GTF3C2: variants seen among roughly 807,000 people sequenced by gnomAD.
GTF3C2 encodes general transcription factor IIIC subunit 2.
A neutral mutation model predicts 117.4 loss-of-function variants in GTF3C2; 17 were observed. That is an observed-to-expected ratio of 0.14 (90% confidence interval 0.10 to 0.22). The LOEUF is 0.22. Among genes scored for constraint, GTF3C2 ranks in the 10% least tolerant of loss-of-function variants. The probability of loss-of-function intolerance (pLI) is 1.00; values close to 1 mark genes in which losing one functional copy is unlikely to be tolerated. For synonymous variants in GTF3C2, 437 were observed against 427.0 expected (o/e 1.02, Z -0.29); for missense variants, 888 against 1,143.6 (o/e 0.78, Z 3.22).
At chr2:27,353,320 T>C (rs1335249857) in intron 1 of GTF3C2, among the ~76,000 whole-genome samples, 1 of 150,050 alleles carries the variant, frequency 6.7e-6, no homozygotes, top group Admixed American at 6.7e-5. Flanking sequence ...TTGCAGGAGG[T>C]TGCAGTGAGC....
intron 10 of GTF3C2, 71 bp downstream of exon 10, chr2:27,335,527 G>A (rs1680433665): frequency 1.1e-6 from 1 of 876,242 alleles, no homozygotes; most frequent in Non-Finnish European, 1.9e-6. Context: ...GAGTTTCCAG[G>A]GAGACAGACA....
intron 12 of GTF3C2, among the ~76,000 whole-genome samples, chr2:27,330,524 A>T (rs1680241589): frequency 1.3e-5 from 2 of 152,092 alleles, no homozygotes; most frequent in Non-Finnish European, 2.9e-5. Context: ...GAGAACAGGC[A>T]AAAAGTCAAA....
chr2:27,355,967 A>T, intron 1 of GTF3C2: 4 of 578,124 alleles, frequency 6.9e-6, no homozygotes, highest in South Asian at 6.1e-5. Context: ...TAAGTAAGTC[A>T]ATTTAAAGAG....
At chr2:27,341,979 G>A in exon 4 of GTF3C2, 1 of 1,614,062 alleles carries the variant, frequency 6.2e-7, no homozygotes, top group Non-Finnish European at 8.5e-7. Flanking sequence ...GGTGCTTCGG[G>A]GCACTACAGG....
rs781579626 is a variant in GTF3C2, at chr2:27,343,520, C to T, written c.35G>A (p.Gly12Glu). The T allele has an allele frequency of 3.2e-5, 52 of 1,613,844 alleles. No individual in the cohort carries two copies. The highest frequency in any genetic ancestry group is 4.2e-5 in the Non-Finnish European group (49 of 1,179,866). ...CATGTTCCCCACGGGGCCGGCCTCC[C>T]CCAGGGCAACATAGCCGACCCCGCA... Residue 12 changes from glycine (G) to glutamate (E), a missense_variant, in exon 2 of 19, where the codon GGG (glycine) becomes GAG (glutamate). Around this residue, in one of 7 missense-constraint regions of GTF3C2, gnomAD observed 393 missense variants for 401.5 expected, o/e 0.98. Coordinates refer to ENST00000264720, the Ensembl canonical transcript of GTF3C2.
In GTF3C2 at chr2:27,329,359, A is replaced by T. The variant is rs1558612219; in HGVS notation, c.1877+20T>A. The T allele has an allele frequency of 6.2e-7, 1 of 1,614,090 alleles. No homozygotes were observed. The highest frequency in any genetic ancestry group is 1.3e-5 in the African/African-American group (1 of 75,042). On this transcript the variant is annotated intron_variant, in intron 13 of 18. Coordinates refer to ENST00000264720, the Ensembl canonical transcript of GTF3C2. This position sits in a 1 kb window ranked among gnomAD's most constrained non-coding sequence, Gnocchi z 4.5. ...GTCCCAGTCTTCACCTTCCCCCTCC[A>T]CATACCTCCTATTCCATACCTGTTA...
At chr2:27,341,561 C>T (rs1438641872) in intron 4 of GTF3C2, 2 of 178,072 alleles carry the variant, frequency 1.1e-5, no homozygotes, top group Admixed American at 5.4e-5. Flanking sequence ...ACTTATCCTT[C>T]AAGAAGCAAT....
exon 19 of GTF3C2, chr2:27,326,824 T>C: frequency 6.2e-7 from 1 of 1,613,966 alleles, no homozygotes; most frequent in Non-Finnish European, 8.5e-7. Flanking sequence ...ACAAAATGGA[T>C]TCGAACCAGC....
chr2:27,351,150 G>A (rs1257891400), intron 1 of GTF3C2, among the ~76,000 whole-genome samples: 42 of 151,944 alleles, frequency 2.8e-4, no homozygotes, highest in Admixed American at 1.3e-4. Flanking sequence ...GGTGGCTCAC[G>A]CCTGTAATCC....
chr2:27,338,755 T>A (rs778065063), intron 4 of GTF3C2, among the ~76,000 whole-genome samples: 6 of 151,896 alleles, frequency 4.0e-5, no homozygotes, highest in Non-Finnish European at 7.4e-5. Context: ...CCAGACTGGT[T>A]TTGAACTCCT....
chr2:27,354,615 C>T (rs1479632709), intron 1 of GTF3C2, among the ~76,000 whole-genome samples: 2 of 151,846 alleles, frequency 1.3e-5, no homozygotes, highest in African/African-American at 4.8e-5. Context: ...ATTAGCCCGG[C>T]GTGGTGGCAG....
At chr2:27,356,263 A>C (rs1681374141) in intron 1 of GTF3C2, 2 of 431,016 alleles carry the variant, frequency 4.6e-6, no homozygotes, top group South Asian at 1.7e-5. Flanking sequence ...TCGGGGTTAA[A>C]GAGCCTCCTC....
intron 4 of GTF3C2, chr2:27,338,265 A>C: frequency 2.1e-6 from 1 of 472,180 alleles, no homozygotes. Flanking sequence ...CAACATCTCC[A>C]TGGTATTTGA....
chr2:27,336,483 G>C, intron 7 of GTF3C2, 58 bp from the exon 8 acceptor site: 2 of 1,022,388 alleles, frequency 2.0e-6, no homozygotes, highest in Non-Finnish European at 3.1e-6. Flanking sequence ...AATGAGGACT[G>C]AATGGGCGCT....
At chr2:27,342,923 T>C (rs780530894) in exon 3 of GTF3C2, 1 of 1,614,174 alleles carries the variant, frequency 6.2e-7, no homozygotes, top group Non-Finnish European at 8.5e-7. Context: ...TCTAGGTCTT[T>C]TGACAACTTC....
chr2:27,332,639 A>C lies in GTF3C2; in HGVS notation c.1732+1016T>G, dbSNP rs1192744967. ...CCGTGTTAGCCAGGATGGTCTCGAT[A>C]TCCTGACCTCGTGATCTGCCTGCCT... is the stretch of plus-strand genomic sequence containing the variant. On this transcript the variant is annotated intron_variant, in intron 12 of 18. Coordinates refer to ENST00000264720, the Ensembl canonical transcript of GTF3C2. 8.6e-5 allele frequency among the ~76,000 whole-genome samples: 13 copies of C among 151,120 alleles called. No homozygotes were observed. The South Asian group carries it at 2.5e-3, about 29-fold the overall frequency.
chr2:27,356,188 T>C, intron 1 of GTF3C2: 4 of 893,450 alleles, frequency 4.5e-6, no homozygotes, highest in South Asian at 4.1e-5. Context: ...ACAAAAGGAC[T>C]AGACAGGGAA....
intron 1 of GTF3C2, chr2:27,350,264 C>T: frequency 4.8e-6 from 1 of 209,106 alleles, no homozygotes. Context: ...GCATCAGTAT[C>T]ACCTGCAAAT....
intron 1 of GTF3C2, among the ~76,000 whole-genome samples, chr2:27,352,013 T>G (rs1183958802): frequency 6.6e-6 from 1 of 152,220 alleles, no homozygotes; most frequent in African/African-American, 2.4e-5. Context: ...CATCTAACTA[T>G]CTGATCTCCC....
Sources: allele counts gnomAD v4.1 joint callset (sites outside exome capture counted in the v4.1 genomes callset), GRCh38; gene constraint gnomAD v4.1.1; regional missense constraint gnomAD v4.1.1; non-coding constraint Gnocchi (gnomAD v3.1); transcripts MANE v1.5; gene names NCBI Gene and HGNC (gene_info 2026-07-23, HGNC 2026-07-21).